MAGI3: variants seen among roughly 807,000 people sequenced by gnomAD.
MAGI3 encodes the protein membrane associated guanylate kinase, WW and PDZ domain containing 3, also known as membrane-associated guanylate kinase, WW and PDZ domain-containing protein 3.
Under a neutral mutation model 121.8 loss-of-function variants are expected in MAGI3, and 43 were observed. The observed-to-expected ratio is 0.35, with a 90% CI of 0.28 to 0.46. The LOEUF (loss-of-function observed/expected upper bound fraction) is 0.46, where lower values mean the gene tolerates loss of function less well. MAGI3 is among the 20% of genes least tolerant of loss of function. The pLI, the probability that MAGI3 is intolerant of heterozygous loss-of-function variation, is 1.00. For missense variants in MAGI3, 1,547 were observed against 1,797.3 expected (o/e 0.86, Z 2.52); for synonymous variants, 553 against 639.3 (o/e 0.86, Z 2.04).
rs1650716782 is a variant in MAGI3 at position 113,619,913 on chromosome 1, T to C, written c.1171+83T>C. 4.3e-6 allele frequency: 4 copies of C among 927,112 alleles called. No individual in the cohort carries two copies. In the Admixed American group the frequency reaches 6.1e-5, roughly 14 times the overall value. 57.4% of individuals were successfully genotyped at this position (927,112 alleles called of 1,614,324 possible). A position where few individuals can be genotyped will look rare whatever the true frequency, so the allele number is the denominator to read the frequency against. On this transcript the variant is annotated intron_variant, in intron 8 of 20. Coordinates refer to ENST00000307546, the MANE Select transcript of MAGI3 (RefSeq NM_001142782.2). ...GTTAATAAAAGTGAGTTTGAACTTC[T>C]TATTTCTATGGCTTTGACACTAAAG...
chr1:113,453,507 A>G (rs972624056), intron 1 of MAGI3, among the ~76,000 whole-genome samples: 7 of 152,274 alleles, frequency 4.6e-5, no homozygotes, highest in Non-Finnish European at 1.0e-4. Context: ...ATATTTAATT[A>G]AATATTAAAT....
chr1:113,531,825 T>C (rs944931324), intron 1 of MAGI3, among the ~76,000 whole-genome samples: 2 of 152,184 alleles, frequency 1.3e-5, no homozygotes, highest in East Asian at 1.9e-4. Flanking sequence ...AGGTGGCTTA[T>C]GCATACTGCA....
chr1:113,675,418 A>T (rs567881584), intron 19 of MAGI3, among the ~76,000 whole-genome samples: 6 of 152,242 alleles, frequency 3.9e-5, no homozygotes, highest in Non-Finnish European at 7.3e-5. Flanking sequence ...TACGAAAACC[A>T]TCAGGGAAGC....
chr1:113,493,003 C>T (rs1656741845), intron 1 of MAGI3, among the ~76,000 whole-genome samples: 1 of 152,052 alleles, frequency 6.6e-6, no homozygotes, highest in Non-Finnish European at 1.5e-5. Flanking sequence ...TCCTGTTATA[C>T]TACCATTTAC....
intron 11 of MAGI3, 48 bp downstream of exon 11, chr1:113,643,822 G>C (rs1309096789): frequency 6.5e-7 from 1 of 1,550,336 alleles, no homozygotes; most frequent in African/African-American, 1.4e-5. Context: ...CACTGAGAGA[G>C]ATGCCACATT....
intron 1 of MAGI3, among the ~76,000 whole-genome samples, chr1:113,526,462 C>T (rs1658456631): frequency 6.6e-6 from 1 of 151,876 alleles, no homozygotes; most frequent in Non-Finnish European, 1.5e-5. Context: ...CCAAGCTCTA[C>T]GTATGAGAGA....
intron 9 of MAGI3, among the ~76,000 whole-genome samples, chr1:113,634,779 G>T (rs1410422016): frequency 6.6e-6 from 1 of 152,088 alleles, no homozygotes; most frequent in African/African-American, 2.4e-5. Flanking sequence ...GAAAGTCATT[G>T]GTAGCTTGAT....
chr1:113,682,233 GCTC>G, intron 20 of MAGI3: 1 of 1,605,674 alleles, frequency 6.2e-7, no homozygotes, highest in Non-Finnish European at 8.5e-7. Flanking sequence ...TCCGGTCTGT[GCTC>G]CTACGTGAAA....
Position 113,554,021 on chromosome 1 carries a change from A to C in MAGI3, c.433+4390A>C, listed in dbSNP as rs1254406025. Among the ~76,000 whole-genome samples, 7 of 152,356 alleles carry C rather than the reference A, an allele frequency of 4.6e-5. No homozygotes were observed. In the East Asian group the frequency reaches 1.3e-3, roughly 29 times the overall value. On this transcript the variant is annotated intron_variant, in intron 2 of 20. Coordinates refer to ENST00000307546, the MANE Select transcript of MAGI3 (RefSeq NM_001142782.2). ...AGACTACGTCTCAAACAAACAAACA[A>C]AAAAATAGAAAGACAACAAAATGGA...
intron 1 of MAGI3, among the ~76,000 whole-genome samples, chr1:113,468,933 TA>T (rs1427048560): frequency 1.3e-5 from 2 of 152,152 alleles, no homozygotes; most frequent in African/African-American, 4.8e-5. Context: ...GTCTTTAATA[TA>T]GTAGATACTT....
chr1:113,433,974 A>T (rs970393360), intron 1 of MAGI3, among the ~76,000 whole-genome samples: 2 of 152,126 alleles, frequency 1.3e-5, no homozygotes, highest in Non-Finnish European at 2.9e-5. Flanking sequence ...ATTTTTTAAA[A>T]AGTTGTGGCC....
intron 1 of MAGI3, among the ~76,000 whole-genome samples, chr1:113,547,889 A>G (rs1443272591): frequency 2.6e-5 from 4 of 152,198 alleles, no homozygotes; most frequent in Non-Finnish European, 5.9e-5. Context: ...TAAAATCACA[A>G]AGGCTCCCCC....
intron 1 of MAGI3, among the ~76,000 whole-genome samples, chr1:113,523,401 A>G (rs1658297008): frequency 6.6e-6 from 1 of 152,198 alleles, no homozygotes; most frequent in Non-Finnish European, 1.5e-5. Flanking sequence ...AATCTGGGAA[A>G]GTTTGGGACT....
At chr1:113,535,293 T>G (rs148733449) in intron 1 of MAGI3, among the ~76,000 whole-genome samples, 1 of 152,260 alleles carries the variant, frequency 6.6e-6, no homozygotes, top group East Asian at 1.9e-4. Flanking sequence ...ACTTTTGTTG[T>G]TCGCTTAAAA....
At chr1:113,492,962 TG>T (rs1310928867) in intron 1 of MAGI3, among the ~76,000 whole-genome samples, 2 of 152,152 alleles carry the variant, frequency 1.3e-5, no homozygotes, top group Non-Finnish European at 2.9e-5. Flanking sequence ...ATGGCCATAC[TG>T]CCCAAAGCAT....
intron 1 of MAGI3, among the ~76,000 whole-genome samples, chr1:113,416,003 T>C (rs201517632): frequency 0.19 from 16,681 of 88,846 alleles, 1,964 homozygotes; most frequent in East Asian, 0.65. Context: ...TATAATTAAT[T>C]ACATATATTA....
At chr1:113,641,416 C>T (rs1416992443) in intron 9 of MAGI3, among the ~76,000 whole-genome samples, 1 of 150,792 alleles carries the variant, frequency 6.6e-6, no homozygotes, top group Non-Finnish European at 1.5e-5. Flanking sequence ...CTCAGAGGAA[C>T]CTGTCTAGAG....
intron 1 of MAGI3, chr1:113,449,805 T>C: frequency 8.8e-7 from 1 of 1,142,394 alleles, no homozygotes; most frequent in Non-Finnish European, 1.3e-6. Flanking sequence ...TTTTGAGAAA[T>C]GGGGCACACT....
intron 1 of MAGI3, among the ~76,000 whole-genome samples, chr1:113,491,537 G>A (rs1215595780): frequency 6.6e-6 from 1 of 152,146 alleles, no homozygotes; most frequent in Non-Finnish European, 1.5e-5. Context: ...AGAGCGAACT[G>A]AAGGATATGG....
Sources: allele counts gnomAD v4.1 joint callset (sites outside exome capture counted in the v4.1 genomes callset), GRCh38; gene constraint gnomAD v4.1.1; transcripts MANE v1.5; gene names NCBI Gene and HGNC (gene_info 2026-07-23, HGNC 2026-07-21).